Variants in EPB41L4A observed in about 807,000 individuals in gnomAD.
EPB41L4A encodes erythrocyte membrane protein band 4.1 like 4A, also known as band 4.1-like protein 4A.
A neutral mutation model predicts 108.6 loss-of-function variants in EPB41L4A; 100 were observed. That is an observed-to-expected ratio of 0.92 (90% confidence interval 0.78 to 1.09). The LOEUF (loss-of-function observed/expected upper bound fraction) is 1.09, where lower values mean the gene tolerates loss of function less well. Ranked by LOEUF, EPB41L4A falls within the 50% of genes least tolerant of loss-of-function variation. The pLI is 0.00. For missense variants in EPB41L4A, 1,030 were observed against 842.7 expected (o/e 1.22, Z -2.75); for synonymous variants, 319 against 289.0 (o/e 1.10, Z -1.05).
rs745872282 is a variant in EPB41L4A at position 112,163,417 on chromosome 5, A to G, written c.*1573T>C. The G allele has an allele frequency of 6.6e-6, 1 of 152,254 alleles. No individual in the cohort carries two copies. The highest frequency in any genetic ancestry group is 1.5e-5 in the Non-Finnish European group (1 of 68,044). 9.4% of individuals were successfully genotyped at this position (152,254 alleles called of 1,614,324 possible). On this transcript the variant is annotated 3_prime_UTR_variant, in exon 23 of 23. Transcript: ENST00000261486. ...AGAAATAAACCTTAAGGCCATGGGT[A>G]TAAATGAGATCTGCTGGTGGTAGAG...
At chr5:112,324,720 TA>T (rs60242363) in intron 1 of EPB41L4A, among the ~76,000 whole-genome samples, 41,464 of 101,688 alleles carry the variant, frequency 0.41, 7,656 homozygotes, top group African/African-American at 0.62. Context: ...AGAGTCTGTC[TA>T]AAAAAAAAAA....
intron 13 of EPB41L4A, 41 bp from the exon 14 acceptor site, chr5:112,205,545 A>G: frequency 1.4e-6 from 2 of 1,438,938 alleles, no homozygotes; most frequent in Non-Finnish European, 1.9e-6. Context: ...AATTAAGTAG[A>G]AAATAAAAGT....
At chr5:112,173,202 G>T (rs1450505014) in intron 18 of EPB41L4A, among the ~76,000 whole-genome samples, 1 of 152,172 alleles carries the variant, frequency 6.6e-6, no homozygotes, top group African/African-American at 2.4e-5. Context: ...AATCTTAAAA[G>T]AATGGGAAAA....
At chr5:112,414,667 T>C (rs1225995531) in intron 1 of EPB41L4A, among the ~76,000 whole-genome samples, 3 of 152,230 alleles carry the variant, frequency 2.0e-5, no homozygotes, top group Non-Finnish European at 4.4e-5. Flanking sequence ...CCAAAAGCTG[T>C]TGGAGGTAAC....
intron 15 of EPB41L4A, among the ~76,000 whole-genome samples, chr5:112,201,438 A>T (rs969785920): frequency 6.6e-6 from 1 of 152,192 alleles, no homozygotes; most frequent in Non-Finnish European, 1.5e-5. Flanking sequence ...TATGCTGCAA[A>T]CTATTTCAAG....
intron 14 of EPB41L4A, among the ~76,000 whole-genome samples, chr5:112,205,102 A>C (rs553841129): frequency 5.9e-5 from 9 of 152,338 alleles, no homozygotes; most frequent in African/African-American, 2.2e-4. Context: ...TTTTTAACCA[A>C]AACTATGAAA....
intron 1 of EPB41L4A, among the ~76,000 whole-genome samples, chr5:112,339,591 T>C (rs1757177028): frequency 6.7e-6 from 1 of 149,948 alleles, no homozygotes; most frequent in South Asian, 2.1e-4. Context: ...TGGAGTACAG[T>C]GGCCTGATAT....
rs115092407 is a variant in EPB41L4A at position 112,321,161 on chromosome 5, G to T, written c.100-13671C>A. Among the ~76,000 whole-genome samples, 896 of 152,320 alleles carry T rather than the reference G, an allele frequency of 5.9e-3. 14 individuals carry two copies. Among genetic ancestry groups the T allele is most frequent in the African/African-American group, 0.021 (874 of 41,562 alleles). On this transcript the variant is annotated intron_variant, in intron 1 of 22. Coordinates refer to ENST00000261486, the MANE Select transcript of EPB41L4A (RefSeq NM_022140.5). ...TCTAAAAGCTTGGGATCACAGAGGA[G>T]AGAACACGACAAGAGTCAGAGAAGC...
At chr5:112,271,664 G>A (rs893557921) in intron 4 of EPB41L4A, among the ~76,000 whole-genome samples, 2 of 152,194 alleles carry the variant, frequency 1.3e-5, no homozygotes, top group African/African-American at 4.8e-5. Context: ...ACAATACAGG[G>A]AAGGATGTCA....
intron 9 of EPB41L4A, among the ~76,000 whole-genome samples, chr5:112,248,626 C>G (rs1750408760): frequency 6.6e-6 from 1 of 152,138 alleles, no homozygotes; most frequent in Non-Finnish European, 1.5e-5. Flanking sequence ...GAATTCAGGA[C>G]CTGTATTATA....
intron 2 of EPB41L4A, among the ~76,000 whole-genome samples, chr5:112,299,991 A>T (rs541227327): frequency 6.6e-6 from 1 of 152,242 alleles, no homozygotes; most frequent in Non-Finnish European, 1.5e-5. Context: ...GTCTATTTGC[A>T]TGGAATATCT....
In EPB41L4A at chr5:112,264,980, G is replaced by T. The variant is rs200598737; in HGVS notation, c.470C>A (p.Ala157Glu). The stretch of plus-strand genomic sequence containing the variant: ...AAACCGGTACTCAGATACATATCCT[G>T]CAGTATGTTTATATGGGTCATAATC... ...LGDYDPYKHT[A>E]GYVSEYRFVP... The change falls in exon 6 of 23, where the codon GCA becomes GAA. Residue 157 changes from alanine (A) to glutamate (E), a missense_variant. Coordinates refer to ENST00000261486, the MANE Select transcript of EPB41L4A (RefSeq NM_022140.5). 2.4e-5 allele frequency: 39 copies of T among 1,610,164 alleles called. No individual in the cohort carries two copies. The highest frequency in any genetic ancestry group is 3.2e-5 in the Non-Finnish European group (38 of 1,178,162).
At chr5:112,386,036 C>T (rs1227902624) in intron 1 of EPB41L4A, among the ~76,000 whole-genome samples, 1 of 152,316 alleles carries the variant, frequency 6.6e-6, no homozygotes, top group Non-Finnish European at 1.5e-5. Context: ...TTTCTAACTA[C>T]TTTAAAAATT....
intron 1 of EPB41L4A, among the ~76,000 whole-genome samples, chr5:112,340,888 A>G (rs1757273108): frequency 6.6e-6 from 1 of 152,214 alleles, no homozygotes; most frequent in African/African-American, 2.4e-5. Context: ...ATCCATTTAC[A>G]TATACCCTTC....
Position 112,204,463 on chromosome 5 carries a change from G to A in EPB41L4A, c.1288C>T (p.Arg430Cys), listed in dbSNP as rs368831750. 66 of 1,612,972 alleles carry A rather than the reference G, an allele frequency of 4.1e-5. No homozygotes were observed. The highest frequency in any genetic ancestry group is 2.7e-4 in the East Asian group (12 of 44,866). The change falls in exon 15 of 23, where the codon CGC becomes TGC. Residue 430 changes from arginine (R) to cysteine (C), a missense_variant. Transcript: ENST00000261486. Reference protein sequence around the residue: ...QSGLYNSPSDRTKSPKFPYTR... With the variant: ...QSGLYNSPSDCTKSPKFPYTR... ...TAAGGGAACTTTGGCGACTTAGTGCGATCACTGGGAGAATTGTAGAGTCCA... is the reference window on the plus strand; with the variant it reads ...TAAGGGAACTTTGGCGACTTAGTGCAATCACTGGGAGAATTGTAGAGTCCA...
intron 1 of EPB41L4A, among the ~76,000 whole-genome samples, chr5:112,389,544 G>C (rs1380728766): frequency 6.6e-6 from 1 of 152,192 alleles, no homozygotes; most frequent in Non-Finnish European, 1.5e-5. Context: ...TTAACCCAAA[G>C]TAACCTGATG....
chr5:112,331,276 ATTCCAACACATTACC>A, intron 1 of EPB41L4A, among the ~76,000 whole-genome samples: 1 of 152,208 alleles, frequency 6.6e-6, no homozygotes, highest in Admixed American at 6.5e-5. Context: ...CCCTGCTATC[ATTCCAACACATTACC>A]TTCCAACCCG....
At chr5:112,341,171 C>T (rs1327798578) in intron 1 of EPB41L4A, among the ~76,000 whole-genome samples, 1 of 152,196 alleles carries the variant, frequency 6.6e-6, no homozygotes, top group African/African-American at 2.4e-5. Context: ...TTCATGGGAA[C>T]AGGGACTTTT....
intron 2 of EPB41L4A, among the ~76,000 whole-genome samples, chr5:112,302,823 C>G (rs958503118): frequency 2.6e-5 from 4 of 152,186 alleles, no homozygotes; most frequent in African/African-American, 7.2e-5. Context: ...CATTCGTCAG[C>G]AGGAAACTTA....
Sources: allele counts gnomAD v4.1 joint callset (sites outside exome capture counted in the v4.1 genomes callset), GRCh38; gene constraint gnomAD v4.1.1; transcripts MANE v1.5; gene names NCBI Gene and HGNC (gene_info 2026-07-23, HGNC 2026-07-21).